The following MCUB variants were observed in gnomAD, a reference collection of about 807,000 sequenced individuals.
MCUB encodes calcium uniporter regulatory subunit MCUb, mitochondrial.
MCUB carries 46 observed loss-of-function variants against 41.4 expected under a neutral mutation model. The observed-to-expected ratio is 1.11, with a 90% CI of 0.88 to 1.42. MCUB has a LOEUF of 1.42. Ranked by LOEUF, MCUB falls within the 40% of genes most tolerant of loss-of-function variation. The probability of loss-of-function intolerance (pLI) is 0.00; values close to 1 mark genes in which losing one functional copy is unlikely to be tolerated. For synonymous variants in MCUB, 148 were observed against 148.2 expected (o/e 1.00, Z 0.01); for missense variants, 403 against 404.9 (o/e 1.00, Z 0.04).
intron 1 of MCUB, among the ~76,000 whole-genome samples, chr4:109,619,741 AGTAAGTTAGTCT>A (rs886795677): frequency 1.3e-5 from 2 of 152,156 alleles, no homozygotes; most frequent in Admixed American, 6.5e-5. Context: ...TTAGATCATC[AGTAAGTTAGTCT>A]GTAATTGTAT....
chr4:109,609,279 A>G (rs927020725), intron 1 of MCUB, among the ~76,000 whole-genome samples: 5 of 152,212 alleles, frequency 3.3e-5, no homozygotes, highest in Admixed American at 1.3e-4. Context: ...AGCAGCCCCT[A>G]GGGCTGCTGG....
intron 1 of MCUB, among the ~76,000 whole-genome samples, chr4:109,594,779 C>CTT (rs566721839): frequency 3.5e-5 from 5 of 143,724 alleles, no homozygotes; most frequent in Non-Finnish European, 4.6e-5. Context: ...AATTCTCTTT[C>CTT]TTTTTTTTTT....
chr4:109,669,985 C>T (rs965286150), intron 4 of MCUB, among the ~76,000 whole-genome samples: 14 of 152,226 alleles, frequency 9.2e-5, no homozygotes, highest in Admixed American at 8.5e-4. Context: ...GTTGCTAGTC[C>T]GATAATTCCA....
intron 1 of MCUB, among the ~76,000 whole-genome samples, chr4:109,633,950 A>C (rs1242407686): frequency 8.6e-6 from 1 of 116,262 alleles, no homozygotes; most frequent in South Asian, 2.5e-4. Flanking sequence ...CACTTTATTT[A>C]TTCTTTTTAT....
At chr4:109,600,790 A>G (rs986517196) in intron 1 of MCUB, among the ~76,000 whole-genome samples, 3 of 151,790 alleles carry the variant, frequency 2.0e-5, no homozygotes, top group East Asian at 1.9e-4. Flanking sequence ...TATTTTTATT[A>G]TATATATATA....
At chr4:109,678,636 G>T (rs552472117) in intron 4 of MCUB, among the ~76,000 whole-genome samples, 2 of 143,446 alleles carry the variant, frequency 1.4e-5, no homozygotes, top group Non-Finnish European at 3.0e-5. Flanking sequence ...ACGGGGTGGC[G>T]GCCGGGCAGA....
At chr4:109,624,472 G>A (rs910076667) in intron 1 of MCUB, among the ~76,000 whole-genome samples, 1 of 152,184 alleles carries the variant, frequency 6.6e-6, no homozygotes, top group Non-Finnish European at 1.5e-5. Flanking sequence ...TTGAAGACAT[G>A]TGAACACATT....
Position 109,603,261 on chromosome 4 carries a change from G to T in MCUB, c.99+42825G>T, listed in dbSNP as rs144864770. Among the ~76,000 whole-genome samples, 588 of 152,286 alleles carry T rather than the reference G, an allele frequency of 3.9e-3. 4 individuals carry two copies. Among genetic ancestry groups the T allele is most frequent in the African/African-American group, 0.013 (555 of 41,564 alleles). ...CAGGCGCGCGCCGCCACGCCTGACT[G>T]GTTTTTGTATTTTTTGGTGGAGATG... On this transcript the variant is annotated intron_variant, in intron 1 of 7. Transcript: ENST00000394650.
intron 6 of MCUB, 197 bp from the exon 7 acceptor site, chr4:109,685,054 T>G (rs1729806198): frequency 4.7e-6 from 2 of 425,386 alleles, no homozygotes; most frequent in African/African-American, 2.0e-5. Context: ...CTTGCCTGTT[T>G]TTGAAAGGAG....
chr4:109,608,788 A>G (rs532158435), intron 1 of MCUB, among the ~76,000 whole-genome samples: 1 of 152,272 alleles, frequency 6.6e-6, no homozygotes, highest in East Asian at 1.9e-4. Flanking sequence ...GGCATGAGCC[A>G]CCATACCCGG....
chr4:109,668,057 A>C (rs934698813), intron 4 of MCUB, among the ~76,000 whole-genome samples: 2 of 151,840 alleles, frequency 1.3e-5, no homozygotes, highest in Admixed American at 6.6e-5. Context: ...TATAGCCTTC[A>C]TTGTGATCTG....
chr4:109,615,179 C>A (rs1194558355), intron 1 of MCUB, among the ~76,000 whole-genome samples: 6 of 152,126 alleles, frequency 3.9e-5, no homozygotes, highest in Non-Finnish European at 1.5e-5. Context: ...GGATATCTGG[C>A]ACAGTTGAGA....
chr4:109,683,053 A>G (rs1193457463), intron 5 of MCUB: 2 of 198,804 alleles, frequency 1.0e-5, no homozygotes, highest in African/African-American at 4.7e-5. Context: ...GTAAATAAGT[A>G]TAATATGAGC....
chr4:109,608,490 T>G lies in MCUB; in HGVS notation c.99+48054T>G, dbSNP rs1023208502. ...GTCTGGGCGTTGAAAAGTTAGGTTT[T>G]GTTTTGTTTTGTTTTGAGACAGGGT... On this transcript the variant is annotated intron_variant, in intron 1 of 7. Transcript: ENST00000394650. Among the ~76,000 whole-genome samples the G allele has an allele frequency of 7.9e-5, 12 of 151,804 alleles. 1 individual carries two copies. The highest frequency in any genetic ancestry group is 2.4e-4 in the African/African-American group (10 of 41,360).
intron 1 of MCUB, among the ~76,000 whole-genome samples, chr4:109,624,889 C>T (rs1040808026): frequency 5.9e-5 from 9 of 152,164 alleles, no homozygotes; most frequent in African/African-American, 1.9e-4. Context: ...CCTGTAATCC[C>T]AGCATTTTGG....
chr4:109,590,766 C>T (rs745488960), intron 1 of MCUB, among the ~76,000 whole-genome samples: 5 of 152,188 alleles, frequency 3.3e-5, no homozygotes, highest in Non-Finnish European at 5.9e-5. Flanking sequence ...CCATGCTTGT[C>T]TCCCCTTTCT....
intron 1 of MCUB, among the ~76,000 whole-genome samples, chr4:109,611,619 T>C (rs1440408586): frequency 6.6e-6 from 1 of 152,186 alleles, no homozygotes; most frequent in Non-Finnish European, 1.5e-5. Context: ...AGATATTCAA[T>C]TCCTTAGATA....
chr4:109,591,294 T>C (rs1041380497), intron 1 of MCUB, among the ~76,000 whole-genome samples: 1 of 152,036 alleles, frequency 6.6e-6, no homozygotes, highest in Admixed American at 6.5e-5. Flanking sequence ...CAAGTGATTC[T>C]CATGACTCAG....
chr4:109,573,338 C>T (rs1344062162), intron 1 of MCUB, among the ~76,000 whole-genome samples: 1 of 151,722 alleles, frequency 6.6e-6, no homozygotes, highest in Non-Finnish European at 1.5e-5. Flanking sequence ...CTGTAGTCCC[C>T]ACTACTCGGG....
Sources: gnomAD v4.1 joint callset for allele counts (sites outside exome capture counted in the v4.1 genomes callset) on GRCh38, gnomAD v4.1.1 for gene constraint, MANE v1.5 for transcripts, NCBI Gene and HGNC (gene_info 2026-07-23, HGNC 2026-07-21) for gene names.